LRRC28: variants seen among roughly 807,000 people sequenced by gnomAD.
LRRC28 encodes leucine-rich repeat-containing protein 28.
In LRRC28, 39 loss-of-function variants were observed where a neutral mutation model predicts 45.7. The ratio of observed to expected loss-of-function variants is 0.85; its 90% CI spans 0.66 to 1.12. The LOEUF (loss-of-function observed/expected upper bound fraction) is 1.12. Among genes scored for constraint, LRRC28 ranks in the 50% most tolerant of loss-of-function variants. LRRC28 has a pLI of 0.00. For missense variants in LRRC28, 435 were observed against 438.5 expected (o/e 0.99, Z 0.07); for synonymous variants, 206 against 178.8 (o/e 1.15, Z -1.22).
rs968667369 is a variant in LRRC28, at chr15:99,361,443, A to G, written c.803A>G (p.Asp268Gly). 17 of 1,613,986 alleles carry G rather than the reference A, an allele frequency of 1.1e-5. No homozygotes were observed. The highest frequency in any genetic ancestry group is 1.4e-5 in the Non-Finnish European group (16 of 1,179,934). ...GTGAAGGCCATAGGGACGGAGCATG[A>G]TCACGTCCTCCCTCTGCAGGAATTG... Reference protein sequence around the residue: ...AEVKAIGTEHDHVLPLQELAM... With the variant: ...AEVKAIGTEHGHVLPLQELAM... The change falls in exon 8 of 10, where the codon GAT (aspartate) becomes GGT (glycine). Residue 268 changes from aspartate (D) to glycine (G), a missense_variant. Physicochemically the swap from Asp to Gly is moderately conservative, Grantham distance 94 (BLOSUM62 -1). Transcript: ENST00000301981.
intron 2 of LRRC28, chr15:99,259,187 C>T (rs766584323): frequency 6.2e-6 from 7 of 1,122,356 alleles, no homozygotes; most frequent in Non-Finnish European, 9.6e-6. Flanking sequence ...TACTAGCCTA[C>T]ACCAGGATGT....
chr15:99,390,621 T>C lies in LRRC28; in HGVS notation c.*4519T>C, dbSNP rs1298824685. On this transcript the variant is annotated 3_prime_UTR_variant, in exon 10 of 10. Transcript: ENST00000301981. Reference sequence around the variant, plus strand: ...TCATACTTTATCCAATTTGGTTGCCTCTCTCAGTTACTGCAGTTTATAGAA... The same window carrying C: ...TCATACTTTATCCAATTTGGTTGCCCCTCTCAGTTACTGCAGTTTATAGAA... The C allele has an allele frequency of 1.6e-4, 25 of 152,250 alleles. No homozygotes were observed. Among genetic ancestry groups the C allele is most frequent in the Admixed American group, 1.6e-3 (24 of 15,286 alleles). The allele number at this position is 152,250 out of a possible 1,614,324, so 9.4% of individuals were successfully genotyped here. A position where few individuals can be genotyped will look rare whatever the true frequency, so the allele number is the denominator to read the frequency against.
At chr15:99,342,670 A>G (rs1438341064) in intron 6 of LRRC28, among the ~76,000 whole-genome samples, 1 of 152,146 alleles carries the variant, frequency 6.6e-6, no homozygotes, top group Non-Finnish European at 1.5e-5. Context: ...ATTCCTTGTG[A>G]TCTTTTTGTT....
chr15:99,260,035 G>A lies in LRRC28; in HGVS notation c.168+3910G>A, dbSNP rs58786080. 14 of 569,942 alleles carry A rather than the reference G, an allele frequency of 2.5e-5. 1 individual carries two copies. Among genetic ancestry groups the A allele is most frequent in the Middle Eastern group, 2.9e-4 (1 of 3,434 alleles). 35.3% of individuals were successfully genotyped at this position (569,942 alleles called of 1,614,324 possible). On this transcript the variant is annotated intron_variant, in intron 2 of 9. Coordinates refer to ENST00000301981, the MANE Select transcript of LRRC28 (RefSeq NM_144598.5). ...ATGAATTGTAAATTATACTCTCATC[G>A]TTTGGATCCTGTGTGGAGAGGGAAT... is the stretch of plus-strand genomic sequence containing the variant.
At chr15:99,285,930 T>C in intron 3 of LRRC28, 1 of 217,082 alleles carries the variant, frequency 4.6e-6, no homozygotes, top group South Asian at 6.5e-5. Context: ...GGTGGGCTTA[T>C]TTAAATTGTG....
chr15:99,385,180 C>T (rs982345104), intron 9 of LRRC28, among the ~76,000 whole-genome samples: 1 of 152,218 alleles, frequency 6.6e-6, no homozygotes, highest in Non-Finnish European at 1.5e-5. Context: ...TCTTCCTGCC[C>T]TTCAGCCCCC....
rs759931022 is a variant in LRRC28 at position 99,361,431 on chromosome 15, G to C, written c.791G>C (p.Gly264Ala). 12 of 1,613,924 alleles carry C rather than the reference G, an allele frequency of 7.4e-6. No individual in the cohort carries two copies. Among genetic ancestry groups the C allele is most frequent in the Non-Finnish European group, 7.6e-6 (9 of 1,179,928 alleles). The change falls in exon 8 of 10, where the codon GGG becomes GCG. Residue 264 changes from glycine to alanine, a missense_variant. Coordinates refer to ENST00000301981, the MANE Select transcript of LRRC28 (RefSeq NM_144598.5). ...VFLPAEVKAI[G>A]TEHDHVLPLQ... ...CTCCCAGCTGAGGTGAAGGCCATAGGGACGGAGCATGATCACGTCCTCCCT... is the reference window on the plus strand; with the variant it reads ...CTCCCAGCTGAGGTGAAGGCCATAGCGACGGAGCATGATCACGTCCTCCCT...
intron 5 of LRRC28, among the ~76,000 whole-genome samples, chr15:99,289,609 G>T (rs1244624587): frequency 6.6e-6 from 1 of 152,126 alleles, no homozygotes; most frequent in Admixed American, 6.5e-5. Context: ...TTATGTTCTG[G>T]CCTTAATATA....
intron 9 of LRRC28, among the ~76,000 whole-genome samples, chr15:99,374,558 A>C (rs368585536): frequency 1.3e-5 from 2 of 151,524 alleles, no homozygotes; most frequent in African/African-American, 4.9e-5. Context: ...GAATAGTTTT[A>C]TTTCTTCCCT....
At chr15:99,255,056 A>G (rs936313827) in intron 1 of LRRC28, among the ~76,000 whole-genome samples, 3 of 152,202 alleles carry the variant, frequency 2.0e-5, no homozygotes, top group African/African-American at 4.8e-5. Flanking sequence ...CTGATAATCC[A>G]TAAAGCTAAA....
intron 9 of LRRC28, among the ~76,000 whole-genome samples, chr15:99,370,438 A>T (rs542073155): frequency 6.6e-6 from 1 of 152,290 alleles, no homozygotes; most frequent in South Asian, 2.1e-4. Flanking sequence ...TGCACTAAAA[A>T]GTCCAGAAGG....
intron 3 of LRRC28, among the ~76,000 whole-genome samples, chr15:99,278,826 G>A (rs1219741212): frequency 6.6e-6 from 1 of 152,218 alleles, no homozygotes; most frequent in Non-Finnish European, 1.5e-5. Flanking sequence ...TTGTTGGCCA[G>A]GACTGCAGTC....
At chr15:99,379,784 T>C (rs1957760996) in intron 9 of LRRC28, among the ~76,000 whole-genome samples, 1 of 152,244 alleles carries the variant, frequency 6.6e-6, no homozygotes, top group South Asian at 2.1e-4. Context: ...ATTTCTGCCT[T>C]CATTTCGTTA....
At chr15:99,317,730 A>G (rs1955647449) in intron 5 of LRRC28, among the ~76,000 whole-genome samples, 1 of 152,176 alleles carries the variant, frequency 6.6e-6, no homozygotes, top group Non-Finnish European at 1.5e-5. Context: ...TAATTTGGAA[A>G]ATGTTAATAT....
chr15:99,254,073 A>G (rs1462213556), intron 1 of LRRC28, among the ~76,000 whole-genome samples: 1 of 152,228 alleles, frequency 6.6e-6, no homozygotes, highest in Non-Finnish European at 1.5e-5. Context: ...CTAAACTGCT[A>G]ACAGTTTCCT....
At chr15:99,314,187 G>A (rs1597323034) in intron 5 of LRRC28, among the ~76,000 whole-genome samples, 1 of 152,048 alleles carries the variant, frequency 6.6e-6, no homozygotes, top group African/African-American at 2.4e-5. Flanking sequence ...GCTCATCCCT[G>A]TAATCCTAGC....
chr15:99,283,213 T>A (rs927117394), intron 3 of LRRC28, among the ~76,000 whole-genome samples: 5 of 151,960 alleles, frequency 3.3e-5, no homozygotes, highest in African/African-American at 7.2e-5. Context: ...TTTTTAAAAC[T>A]TTTTTTATTT....
At chr15:99,286,594 G>GTTGGTTACT (rs1279621243) in intron 3 of LRRC28, 1 of 152,228 alleles carries the variant, frequency 6.6e-6, no homozygotes, top group African/African-American at 2.4e-5. Context: ...ACTGATTGCA[G>GTTGGTTACT]GAAGTCTCCA....
rs1349999937 is a variant in LRRC28 at position 99,256,122 on chromosome 15, C to G, written c.165C>G (p.Ser55=). The part of the protein sequence containing the change: ...RLYMKRNSLT[S]LPENLAQKLP... The stretch of plus-strand genomic sequence containing the variant: ...ATATGAAAAGGAACTCCCTGACATC[C>G]TTGGTACAGTATTATATTACACTAC... The change falls in exon 2 of 10, where the codon TCC becomes TCG. Residue 55 remains serine, a synonymous_variant. Coordinates refer to ENST00000301981, the MANE Select transcript of LRRC28 (RefSeq NM_144598.5). 6.2e-7 allele frequency: 1 copy of G among 1,608,054 alleles called. No individual in the cohort carries two copies. Among genetic ancestry groups the G allele is most frequent in the East Asian group, 2.2e-5 (1 of 44,854 alleles).
Sources: allele counts gnomAD v4.1 joint callset (sites outside exome capture counted in the v4.1 genomes callset), GRCh38; gene constraint gnomAD v4.1.1; transcripts MANE v1.5; gene names NCBI Gene and HGNC (gene_info 2026-07-23, HGNC 2026-07-21).